ZNF391: variants seen among roughly 807,000 people sequenced by gnomAD.
ZNF391 encodes the protein zinc finger protein 391.
For missense variants in ZNF391, 375 were observed against 425.5 expected, an observed-to-expected ratio of 0.88 and a Z score of 1.04; for synonymous variants, 126 against 142.1, an observed-to-expected ratio of 0.89 and a Z score of 0.80.
intron 1 of ZNF391, chr6:27,389,407 C>G (rs1561810391): frequency 4.4e-6 from 2 of 456,318 alleles, no homozygotes. Context: ...AGGCACTGCT[C>G]CAAGAGTTTT....
At chr6:27,383,636 A>G (rs1761541059) in intron 1 of ZNF391, among the ~76,000 whole-genome samples, 1 of 152,148 alleles carries the variant, frequency 6.6e-6, no homozygotes, top group South Asian at 2.1e-4. Flanking sequence ...AAGCTCTCTC[A>G]TGACTCTTAT....
chr6:27,401,198 C>T lies in ZNF391; in HGVS notation c.828C>T (p.Pro276=), dbSNP rs181937290. 185 of 1,614,134 alleles carry T rather than the reference C, an allele frequency of 1.1e-4. No individual in the cohort carries two copies. Among genetic ancestry groups the T allele is most frequent in the Admixed American group, 3.5e-4 (21 of 60,018 alleles). Residue 276 remains proline (P), a synonymous_variant, in exon 3 of 3, where the codon CCC becomes CCT. Coordinates refer to ENST00000244576, the MANE Select transcript of ZNF391 (RefSeq NM_001076781.3). Reference sequence around the variant, plus strand: ...AGAGAACACACACTGGGGAGAACCCCTATGAGTGCAGTGAATGTGGGAAAG... The same window carrying T: ...AGAGAACACACACTGGGGAGAACCCTTATGAGTGCAGTGAATGTGGGAAAG... ...EHQRTHTGEN[P]YECSECGKVF... is the part of the protein sequence containing the mutation.
At position 27,374,624 on chromosome 6, in the gene ZNF391, A is replaced by G. The variant is rs960364250; in HGVS notation, n.10A>G. The G allele has an allele frequency of 2.6e-5, 4 of 151,792 alleles. No homozygotes were observed. Among genetic ancestry groups the G allele is most frequent in the African/African-American group, 9.7e-5 (4 of 41,288 alleles). 9.4% of individuals were successfully genotyped at this position (151,792 alleles called of 1,614,324 possible). On this transcript the variant is annotated non_coding_transcript_exon_variant, in exon 1 of 3. Coordinates refer to the ZNF391 transcript ENST00000477999. This position sits in a 1 kb window ranked among gnomAD's most constrained non-coding sequence, Gnocchi z 5.3. The stretch of plus-strand genomic sequence containing the variant: ...CTGGTTATGTTTCCTTAGTGACCCT[A>G]GGCCTCTTGCAGGAGAGTCCCTGGT...
At chr6:27,394,607 C>T (rs963330900) in intron 1 of ZNF391, among the ~76,000 whole-genome samples, 3 of 152,206 alleles carry the variant, frequency 2.0e-5, no homozygotes, top group Admixed American at 2.0e-4. Context: ...GAGTTGGAGG[C>T]CCCACACAGG....
At position 27,403,039 on chromosome 6, in the gene ZNF391, C is replaced by G. The variant is rs1216511098; in HGVS notation, c.*1592C>G. 2 of 152,070 alleles carry G rather than the reference C, an allele frequency of 1.3e-5. No homozygotes were observed. Among genetic ancestry groups the G allele is most frequent in the Non-Finnish European group, 2.9e-5 (2 of 68,010 alleles). The allele number at this position is 152,070 out of a possible 1,614,324, so 9.4% of individuals were successfully genotyped here. A position where few individuals can be genotyped will look rare whatever the true frequency, so the allele number is the denominator to read the frequency against. On this transcript the variant is annotated 3_prime_UTR_variant, in exon 3 of 3. Transcript: ENST00000244576. Reference sequence around the variant, plus strand: ...GGATTAATAATTGATTTCTTTCTCTCTTTCTACTGCTGCTTCCAAGTTCTT... The same window carrying G: ...GGATTAATAATTGATTTCTTTCTCTGTTTCTACTGCTGCTTCCAAGTTCTT...
intron 1 of ZNF391, among the ~76,000 whole-genome samples, chr6:27,381,966 G>A (rs899765308): frequency 6.0e-5 from 9 of 149,448 alleles, no homozygotes; most frequent in African/African-American, 9.9e-5. Context: ...CCTGGAAGGC[G>A]GAGGTTGCAG....
At chr6:27,396,969 C>G (rs1417026646) in intron 1 of ZNF391, among the ~76,000 whole-genome samples, 1 of 152,104 alleles carries the variant, frequency 6.6e-6, no homozygotes, top group Non-Finnish European at 1.5e-5. Flanking sequence ...CCAAAATAAC[C>G]TCACAAATTC....
intron 1 of ZNF391, chr6:27,391,237 T>A (rs1761706987): frequency 6.8e-6 from 1 of 147,118 alleles, no homozygotes; most frequent in South Asian, 2.2e-4. Flanking sequence ...AGAGTTTCGC[T>A]CTTGTCGCTC....
chr6:27,384,741 G>A (rs1161431491), upstream of ZNF391, among the ~76,000 whole-genome samples: 4 of 152,132 alleles, frequency 2.6e-5, no homozygotes, highest in Non-Finnish European at 5.9e-5. Flanking sequence ...TTATTGGCCA[G>A]GTGCTGTGGC....
At chr6:27,382,630 G>A (rs1201447130) in intron 1 of ZNF391, among the ~76,000 whole-genome samples, 1 of 152,122 alleles carries the variant, frequency 6.6e-6, no homozygotes, top group African/African-American at 2.4e-5. Flanking sequence ...TCTCTGATGG[G>A]TAAAGTAGAC....
chr6:27,385,316 A>G (rs1055382162), upstream of ZNF391, among the ~76,000 whole-genome samples: 4 of 152,186 alleles, frequency 2.6e-5, no homozygotes, highest in Admixed American at 1.3e-4. Flanking sequence ...AACTATATCA[A>G]TAATACTTTC....
In ZNF391 at chr6:27,400,342, C is replaced by G. The variant is rs777423712; in HGVS notation, c.-29C>G. On this transcript the variant is annotated 5_prime_UTR_variant, in exon 3 of 3. Transcript: ENST00000244576. ...AGCATCAACACCAATCAGACTGTTT[C>G]CGAAGAACTAGAGTTTTCTGGGTCA... The G allele has an allele frequency of 3.2e-6, 5 of 1,545,130 alleles. No individual in the cohort carries two copies. Among genetic ancestry groups the G allele is most frequent in the Non-Finnish European group, 4.4e-6 (5 of 1,144,470 alleles).
At position 27,376,747 on chromosome 6, in the gene ZNF391, G is replaced by C. The variant is rs1348367005; in HGVS notation, n.523+1610G>C. ...ATGGCGAGCCGCTTGAAGCTACTCCGGCGGCTGAGGCAGGAGAATTGCTTG... is the reference window on the plus strand; with the variant it reads ...ATGGCGAGCCGCTTGAAGCTACTCCCGCGGCTGAGGCAGGAGAATTGCTTG... On this transcript the variant is annotated intron_variant and non_coding_transcript_variant, in intron 1 of 2. Coordinates refer to the ZNF391 transcript ENST00000477999. The surrounding 1 kb of genome is among the most constrained non-coding windows in gnomAD (Gnocchi z 4.7). 6.6e-6 allele frequency among the ~76,000 whole-genome samples: 1 copy of C among 152,078 alleles called. No individual in the cohort carries two copies. Among genetic ancestry groups the C allele is most frequent in the Non-Finnish European group, 1.5e-5 (1 of 68,018 alleles).
At chr6:27,399,177 G>A (rs918459089) in intron 1 of ZNF391, among the ~76,000 whole-genome samples, 2 of 152,158 alleles carry the variant, frequency 1.3e-5, no homozygotes, top group East Asian at 1.9e-4. Flanking sequence ...CCAAAGCAAG[G>A]TTCAGATATC....
In ZNF391 at chr6:27,401,421, C is replaced by T; in HGVS notation, c.1051C>T (p.His351Tyr). The T allele has an allele frequency of 6.2e-7, 1 of 1,609,922 alleles. No homozygotes were observed. The highest frequency in any genetic ancestry group is 8.5e-7 in the Non-Finnish European group (1 of 1,179,376). Residue 351 changes from histidine to tyrosine, a missense_variant, in exon 3 of 3, where the codon CAT (histidine) becomes TAT (tyrosine). Transcript: ENST00000244576. The part of the protein sequence containing the change: ...AFCQSSTLIR[H>Y]QHLHTKE ...CTGTCAGAGTTCAACTCTGATCAGACATCAGCACCTTCATACTAAAGAGTA... is the reference window on the plus strand; with the variant it reads ...CTGTCAGAGTTCAACTCTGATCAGATATCAGCACCTTCATACTAAAGAGTA...
intron 1 of ZNF391, among the ~76,000 whole-genome samples, chr6:27,394,118 A>G (rs923295573): frequency 1.3e-5 from 2 of 152,258 alleles, no homozygotes; most frequent in African/African-American, 4.8e-5. Flanking sequence ...CAGGCCATGG[A>G]GCAACCACTT....
At chr6:27,388,315 T>C (rs530054896), upstream of ZNF391, among the ~76,000 whole-genome samples, 1 of 152,074 alleles carries the variant, frequency 6.6e-6, no homozygotes, top group Non-Finnish European at 1.5e-5. Flanking sequence ...ATTTGAGACA[T>C]GTCTTGCATT....
chr6:27,400,771 A>G lies in ZNF391; in HGVS notation c.401A>G (p.Glu134Gly), dbSNP rs1453276855. 1.2e-6 allele frequency: 2 copies of G among 1,614,204 alleles called. No individual in the cohort carries two copies. Among genetic ancestry groups the G allele is most frequent in the Non-Finnish European group, 1.7e-6 (2 of 1,180,032 alleles). ...GTACACAGTAGAATTCATGGTGGAG[A>G]AAAGCCTTTTGAATGCAACAAATGT... ...LLVHSRIHGG[E>G]KPFECNKCGK... The change falls in exon 3 of 3, where the codon GAA becomes GGA. Residue 134 changes from glutamate (E) to glycine (G), a missense_variant. Coordinates refer to ENST00000244576, the MANE Select transcript of ZNF391 (RefSeq NM_001076781.3).
rs778766506 is a variant in ZNF391, at chr6:27,389,042, C to T, written c.-221C>T. 2 of 455,982 alleles carry T rather than the reference C, an allele frequency of 4.4e-6. No homozygotes were observed. The highest frequency in any genetic ancestry group is 3.3e-4 in the Middle Eastern group (1 of 3,064). The allele number at this position is 455,982 out of a possible 1,614,324, so 28.2% of individuals were successfully genotyped here. On this transcript the variant is annotated 5_prime_UTR_variant, in exon 1 of 3. Coordinates refer to ENST00000244576, the MANE Select transcript of ZNF391 (RefSeq NM_001076781.3). ...TCGGGGGTACTCGGCCGGAGGCGGC[C>T]GGTGAGTGAGGCTTACAGGGCCCCG...
Sources: gnomAD v4.1 joint callset for allele counts (sites outside exome capture counted in the v4.1 genomes callset) on GRCh38, gnomAD v4.1.1 for gene constraint, Gnocchi (gnomAD v3.1) non-coding constraint, MANE v1.5 for transcripts, NCBI Gene and HGNC (gene_info 2026-07-23, HGNC 2026-07-21) for gene names.